KIF6: variants seen among roughly 807,000 people sequenced by gnomAD.
KIF6 encodes kinesin-like protein KIF6.
Under a neutral mutation model 112.7 loss-of-function variants are expected in KIF6, and 106 were observed. The observed-to-expected ratio is 0.94, with a 90% CI of 0.80 to 1.11. The LOEUF (loss-of-function observed/expected upper bound fraction) is 1.11. Ranked by LOEUF, KIF6 falls within the 50% of genes least tolerant of loss-of-function variation. The pLI, the probability that KIF6 is intolerant of heterozygous loss-of-function variation, is 0.00. For missense variants in KIF6, 929 were observed against 964.0 expected (o/e 0.96, Z 0.48); for synonymous variants, 339 against 339.9 (o/e 1.00, Z 0.03).
rs554676256 is a variant in KIF6 at position 39,575,263 on chromosome 6, C to A, written c.1181+2793G>T. On this transcript the variant is annotated intron_variant, in intron 10 of 22. Transcript: ENST00000287152. ...GAAGCAGCTGCCAGTGCTTGAGCGT[C>A]TTCTTATTTTTCTTTTTTTTTTTTT... 9.0e-4 allele frequency among the ~76,000 whole-genome samples: 134 copies of A among 149,634 alleles called. 2 individuals are homozygous for A. The highest frequency in any genetic ancestry group is 6.8e-3 in the Middle Eastern group (2 of 294).
intron 13 of KIF6, among the ~76,000 whole-genome samples, chr6:39,477,659 G>A (rs1002778825): frequency 6.6e-6 from 1 of 152,128 alleles, no homozygotes; most frequent in Non-Finnish European, 1.5e-5. Context: ...TCAAGAGATT[G>A]AAACAATCCT....
intron 10 of KIF6, among the ~76,000 whole-genome samples, chr6:39,573,820 C>A (rs1032102627): frequency 6.6e-6 from 1 of 152,194 alleles, no homozygotes; most frequent in Non-Finnish European, 1.5e-5. Flanking sequence ...ATTACTTGTG[C>A]TCATGTCTGT....
At chr6:39,437,394 G>A (rs1262300928) in intron 13 of KIF6, among the ~76,000 whole-genome samples, 1 of 152,114 alleles carries the variant, frequency 6.6e-6, no homozygotes, top group African/African-American at 2.4e-5. Flanking sequence ...AATATTTCTA[G>A]AATCCAGATA....
chr6:39,478,456 G>A (rs536929733), intron 13 of KIF6, among the ~76,000 whole-genome samples: 213 of 152,238 alleles, frequency 1.4e-3, no homozygotes, highest in African/African-American at 5.0e-3. Context: ...CATTTGGGCT[G>A]GTTCCATATT....
At chr6:39,605,638 A>G (rs1561857289) in intron 6 of KIF6, among the ~76,000 whole-genome samples, 1 of 152,144 alleles carries the variant, frequency 6.6e-6, no homozygotes, top group Non-Finnish European at 1.5e-5. Context: ...ATAGCACTCA[A>G]TGCAATCTTC....
chr6:39,725,213 C>A (rs1790470221), intron 1 of KIF6, 32 bp downstream of exon 1: 1 of 1,595,640 alleles, frequency 6.3e-7, no homozygotes, highest in Non-Finnish European at 8.5e-7. Context: ...GAGGCCCCGC[C>A]GCGCCGGCGC....
chr6:39,714,532 A>G (rs1432720191), intron 3 of KIF6, among the ~76,000 whole-genome samples, 160 bp downstream of exon 3: 1 of 152,238 alleles, frequency 6.6e-6, no homozygotes, highest in Non-Finnish European at 1.5e-5. Flanking sequence ...AATCTAAAAC[A>G]AATGGTTATA....
intron 14 of KIF6, among the ~76,000 whole-genome samples, chr6:39,421,477 T>C (rs545497044): frequency 6.6e-5 from 10 of 152,196 alleles, no homozygotes; most frequent in Non-Finnish European, 1.5e-4. Flanking sequence ...TTGAACACTT[T>C]AGTTGACTGG....
intron 13 of KIF6, among the ~76,000 whole-genome samples, chr6:39,514,773 T>C (rs1469280271): frequency 7.6e-6 from 1 of 131,072 alleles, no homozygotes; most frequent in Non-Finnish European, 1.5e-5. Context: ...AAGGCTTTTT[T>C]TCCCCCCCGG....
chr6:39,607,124 A>G (rs1415254454), intron 6 of KIF6, among the ~76,000 whole-genome samples: 3 of 152,176 alleles, frequency 2.0e-5, no homozygotes, highest in Admixed American at 2.0e-4. Flanking sequence ...TTCATATGCT[A>G]TGTTTAATTC....
chr6:39,381,489 C>A (rs1481805831), intron 16 of KIF6, among the ~76,000 whole-genome samples: 1 of 152,156 alleles, frequency 6.6e-6, no homozygotes, highest in African/African-American at 2.4e-5. Flanking sequence ...ATCAGGGAAT[C>A]CAAATACACC....
At position 39,679,051 on chromosome 6, in the gene KIF6, G is replaced by A. The variant is rs577331922; in HGVS notation, c.251+35641C>T. ...AGGAAGAATAAGTTACAAAGCACAC[G>A]TTGAAATAATATGTTGGGCTAAATT... On this transcript the variant is annotated intron_variant, in intron 3 of 22. Transcript: ENST00000287152. Among the ~76,000 whole-genome samples, 35 of 152,304 alleles carry A rather than the reference G, an allele frequency of 2.3e-4. 2 individuals are homozygous for A. In the South Asian group the frequency reaches 6.8e-3, roughly 30 times the overall value.
rs116557014 is a variant in KIF6 at position 39,380,729 on chromosome 6, A to G, written c.1861+4893T>C. Among the ~76,000 whole-genome samples, 706 of 152,242 alleles carry G rather than the reference A, an allele frequency of 4.6e-3. 5 individuals carry two copies. Among genetic ancestry groups the G allele is most frequent in the African/African-American group, 0.016 (677 of 41,536 alleles). ...TGGCTGATTTGAAGCCACCAGTATG[A>G]TCTCGCTAAATGTGGATTTGGGAAG... On this transcript the variant is annotated intron_variant, in intron 16 of 22. Transcript: ENST00000287152.
At chr6:39,534,659 C>T (rs1778299530) in intron 13 of KIF6, among the ~76,000 whole-genome samples, 1 of 152,202 alleles carries the variant, frequency 6.6e-6, no homozygotes, top group Non-Finnish European at 1.5e-5. Flanking sequence ...TCCAGGAGAA[C>T]TTCCCCAATC....
At chr6:39,714,962 C>T (rs574238526) in intron 2 of KIF6, 196 bp from the exon 3 acceptor site, 1 of 527,210 alleles carries the variant, frequency 1.9e-6, no homozygotes, top group Non-Finnish European at 3.4e-6. Flanking sequence ...GGTGGGTAAA[C>T]AGTATTGCTT....
intron 3 of KIF6, among the ~76,000 whole-genome samples, chr6:39,649,136 G>C (rs1320101827): frequency 2.0e-5 from 3 of 151,908 alleles, no homozygotes; most frequent in Non-Finnish European, 4.4e-5. Context: ...AGAAGACCCT[G>C]TCTCTAAATA....
At chr6:39,391,297 G>GT (rs1767872564) in intron 15 of KIF6, among the ~76,000 whole-genome samples, 1 of 152,196 alleles carries the variant, frequency 6.6e-6, no homozygotes, top group African/African-American at 2.4e-5. Context: ...GCGGAACAGG[G>GT]TAAGAGTCTG....
At chr6:39,393,184 T>C (rs1768013964) in intron 15 of KIF6, among the ~76,000 whole-genome samples, 1 of 152,120 alleles carries the variant, frequency 6.6e-6, no homozygotes. Context: ...GTAAAGACAT[T>C]ATCAGTCATA....
chr6:39,367,035 G>A (rs1460659726), intron 16 of KIF6, among the ~76,000 whole-genome samples: 1 of 152,116 alleles, frequency 6.6e-6, no homozygotes, highest in Non-Finnish European at 1.5e-5. Flanking sequence ...GCCAGAATGA[G>A]GGCACAGCAC....
Sources: allele counts gnomAD v4.1 joint callset (sites outside exome capture counted in the v4.1 genomes callset), GRCh38; gene constraint gnomAD v4.1.1; transcripts MANE v1.5; gene names NCBI Gene and HGNC (gene_info 2026-07-23, HGNC 2026-07-21).